Variants in KDM5B observed in about 807,000 individuals in gnomAD.
KDM5B encodes lysine-specific demethylase 5B.
KDM5B carries 144 observed loss-of-function variants against 193.4 expected under a neutral mutation model. The ratio of observed to expected loss-of-function variants is 0.74; its 90% CI spans 0.65 to 0.86. The LOEUF (loss-of-function observed/expected upper bound fraction) is 0.86. Among genes scored for constraint, KDM5B ranks in the 40% least tolerant of loss-of-function variants. The probability of loss-of-function intolerance (pLI) is 0.00; values close to 1 mark genes in which losing one functional copy is unlikely to be tolerated. For synonymous variants in KDM5B, 668 were observed against 682.6 expected, an observed-to-expected ratio of 0.98 and a Z score of 0.33; for missense variants, 1,833 against 1,886.9, an observed-to-expected ratio of 0.97 and a Z score of 0.53.
intron 1 of KDM5B, among the ~76,000 whole-genome samples, chr1:202,797,432 C>T (rs1458405574): frequency 1.3e-5 from 2 of 152,180 alleles, no homozygotes; most frequent in Non-Finnish European, 1.5e-5. Flanking sequence ...CTGGTCTAGT[C>T]TCCCTGCTCC....
At chr1:202,773,381 G>T in intron 3 of KDM5B, 93 bp from the exon 4 acceptor site, 1 of 1,049,240 alleles carries the variant, frequency 9.5e-7, no homozygotes, top group South Asian at 1.5e-5. Flanking sequence ...CTTGGCTATG[G>T]TTATCTTTTA....
At chr1:202,781,766 T>C (rs1235241641) in intron 1 of KDM5B, among the ~76,000 whole-genome samples, 2 of 152,208 alleles carry the variant, frequency 1.3e-5, no homozygotes, top group Non-Finnish European at 2.9e-5. Flanking sequence ...CAAAAGCATA[T>C]GAAAAATAAT....
At chr1:202,732,012 AGC>A in intron 23 of KDM5B, 73 bp from the exon 24 acceptor site, 1 of 810,258 alleles carries the variant, frequency 1.2e-6, no homozygotes, top group Non-Finnish European at 1.9e-6. Context: ...CAATGACAGT[AGC>A]TTGCATTACC....
intron 3 of KDM5B, 107 bp downstream of exon 3, chr1:202,774,506 G>T (rs12410981): frequency 0.22 from 218,618 of 995,092 alleles, 25,406 homozygotes; most frequent in Middle Eastern, 0.32. Flanking sequence ...GAGATTACAG[G>T]TGCGAGCCAC....
In KDM5B at chr1:202,727,339, C is replaced by T. The variant is rs904445062; in HGVS notation, c.*1697G>A. 1 of 152,258 alleles carries T rather than the reference C, an allele frequency of 6.6e-6. No homozygotes were observed. Among genetic ancestry groups the T allele is most frequent in the Non-Finnish European group, 1.5e-5 (1 of 68,024 alleles). The allele number at this position is 152,258 out of a possible 1,614,324, so 9.4% of individuals were successfully genotyped here. A position where few individuals can be genotyped will look rare whatever the true frequency, so the allele number is the denominator to read the frequency against. On this transcript the variant is annotated 3_prime_UTR_variant, in exon 27 of 27. Transcript: ENST00000367265. Reference sequence around the variant, plus strand: ...TGGAGACTATTCTTCTCTATTGGCCCCAGAACCACCATCAGACGAAGAGAA... The same window carrying T: ...TGGAGACTATTCTTCTCTATTGGCCTCAGAACCACCATCAGACGAAGAGAA...
At position 202,773,279 on chromosome 1, in the gene KDM5B, C is replaced by T. The variant is rs1354864063; in HGVS notation, c.415G>A (p.Glu139Lys). 1 of 1,613,946 alleles carries T rather than the reference C, an allele frequency of 6.2e-7. No individual in the cohort carries two copies. The highest frequency in any genetic ancestry group is 8.5e-7 in the Non-Finnish European group (1 of 1,179,950). The part of the protein sequence containing the change: ...DLFQLNKLVA[E>K]EGGFAVVCKD... ...CAAACAACTGCAAATCCACCTTCTT[C>T]TGCAACTAACTGTTAAAATAGCAAA... Residue 139 changes from glutamate (E) to lysine (K), a missense_variant, in exon 4 of 27, where the codon GAA becomes AAA. Coordinates refer to ENST00000367265, the MANE Select transcript of KDM5B (RefSeq NM_006618.5).
intron 23 of KDM5B, 23 bp from the exon 24 acceptor site, chr1:202,731,962 T>C (rs770611119): frequency 6.7e-7 from 1 of 1,482,218 alleles, no homozygotes; most frequent in South Asian, 1.1e-5. Context: ...AAACGTTTTA[T>C]AATAAAATCT....
At chr1:202,796,199 C>T in intron 1 of KDM5B, 1 of 252,390 alleles carries the variant, frequency 4.0e-6, no homozygotes, top group South Asian at 4.3e-5. Flanking sequence ...CTCCAGACTT[C>T]AGAGCCTCTC....
chr1:202,736,237 C>A lies in KDM5B; in HGVS notation c.3240G>T (p.Glu1080Asp), dbSNP rs756610963. 1.3e-6 allele frequency: 2 copies of A among 1,591,760 alleles called. No individual in the cohort carries two copies. The highest frequency in any genetic ancestry group is 3.6e-5 in the Admixed American group (2 of 56,204). Reference protein sequence around the residue: ...KECAVNTFLTENSPYSLLEVL... With the variant: ...KECAVNTFLTDNSPYSLLEVL... ...CCTCTAAGAGAGAATATGGAGAATT[C>A]TCAGTCAAGAATGTATTAACAGCAC... Residue 1080 changes from glutamate (E) to aspartate (D), a missense_variant, in exon 21 of 27, where the codon GAG (glutamate) becomes GAT (aspartate). Glu to Asp is a conservative substitution (Grantham distance 45). Coordinates refer to ENST00000367265, the MANE Select transcript of KDM5B (RefSeq NM_006618.5).
rs576196486 is a variant in KDM5B at position 202,796,589 on chromosome 1, T to C, written c.204+11513A>G. On this transcript the variant is annotated intron_variant, in intron 1 of 26. Transcript: ENST00000367265. ...TGCAGACAAAGCTGCAGGTTTAGCATATGTTATACTATGTGCTGGTACCTG... is the reference window on the plus strand; with the variant it reads ...TGCAGACAAAGCTGCAGGTTTAGCACATGTTATACTATGTGCTGGTACCTG... The C allele has an allele frequency of 3.0e-4, 50 of 168,252 alleles. No individual in the cohort carries two copies. In the Middle Eastern group the frequency reaches 0.01, roughly 35 times the overall value. 10.4% of individuals were successfully genotyped at this position (168,252 alleles called of 1,614,324 possible).
intron 22 of KDM5B, 107 bp downstream of exon 22, chr1:202,735,322 G>T: frequency 1.7e-6 from 2 of 1,181,242 alleles, no homozygotes; most frequent in Non-Finnish European, 1.2e-6. Flanking sequence ...AAAACTGAAC[G>T]CTTTCAAGTT....
chr1:202,753,179 C>T (rs1655864752), intron 11 of KDM5B, 112 bp from the exon 12 acceptor site: 2 of 854,316 alleles, frequency 2.3e-6, no homozygotes, highest in Admixed American at 2.5e-5. Context: ...AAAAGGAATC[C>T]ACAAACTGAC....
chr1:202,746,348 G>A (rs975656009), intron 14 of KDM5B, 25 bp from the exon 15 acceptor site: 1 of 1,490,904 alleles, frequency 6.7e-7, no homozygotes, highest in Non-Finnish European at 9.1e-7. Flanking sequence ...ACTTTAGAGA[G>A]ACCTCCAAAG....
chr1:202,729,697 C>T lies in KDM5B; in HGVS notation c.4497+10G>A, dbSNP rs1654802015. On this transcript the variant is annotated intron_variant, in intron 26 of 26. Coordinates refer to ENST00000367265, the MANE Select transcript of KDM5B (RefSeq NM_006618.5). ...GAAAGCACGTCCTCTATGGCCCAAA[C>T]CTCACTGACCTCATCTCCTTCTGGC... 4 of 1,608,476 alleles carry T rather than the reference C, an allele frequency of 2.5e-6. No individual in the cohort carries two copies. The highest frequency in any genetic ancestry group is 3.4e-6 in the Non-Finnish European group (4 of 1,176,844).
At chr1:202,755,554 G>A (rs1655976017) in intron 10 of KDM5B, 102 bp from the exon 11 acceptor site, 1 of 964,528 alleles carries the variant, frequency 1.0e-6, no homozygotes, top group Admixed American at 2.5e-5. Context: ...AAAAAGAAAT[G>A]TGGAAGAGGA....
intron 20 of KDM5B, among the ~76,000 whole-genome samples, chr1:202,740,113 C>CA (rs1432556141): frequency 1.3e-5 from 2 of 149,260 alleles, no homozygotes; most frequent in East Asian, 2.0e-4. Context: ...GCTGACCCCC[C>CA]CCACCTCCCT....
Position 202,735,989 on chromosome 1 carries a change from A to C in KDM5B, c.3264+224T>G, listed in dbSNP as rs138926401. 5.1e-3 allele frequency among the ~76,000 whole-genome samples: 772 copies of C among 152,352 alleles called. 10 individuals carry two copies. Among genetic ancestry groups the C allele is most frequent in the African/African-American group, 0.018 (738 of 41,580 alleles). ...ATTTCAACACAGAGGAATTTCACCC[A>C]ATAGGAAAAAATTTTCTTCTTTAGA... On this transcript the variant is annotated intron_variant, in intron 21 of 26. Transcript: ENST00000367265.
Position 202,773,127 on chromosome 1 carries a change from G to A in KDM5B, c.567C>T (p.Asp189=). The A allele has an allele frequency of 6.2e-7, 1 of 1,611,250 alleles. No individual in the cohort carries two copies. ...TAGCCCCCAAACTTACCCTTAGGCT[G>A]TCTCCGGACAGGAATAAGTTGTAGG... ...LNPYNLFLSG[D]SLRCLQKPNL... The change falls in exon 4 of 27, where the codon GAC becomes GAT. Residue 189 remains aspartate (D), a synonymous_variant. Coordinates refer to ENST00000367265, the MANE Select transcript of KDM5B (RefSeq NM_006618.5).
chr1:202,790,361 G>C (rs1414859629), intron 1 of KDM5B, among the ~76,000 whole-genome samples: 4 of 152,150 alleles, frequency 2.6e-5, no homozygotes, highest in Admixed American at 1.3e-4. Flanking sequence ...TGGATTGCTT[G>C]AGCCTGGAAG....
Sources: allele counts gnomAD v4.1 joint callset (sites outside exome capture counted in the v4.1 genomes callset), GRCh38; gene constraint gnomAD v4.1.1; transcripts MANE v1.5; gene names NCBI Gene and HGNC (gene_info 2026-07-23, HGNC 2026-07-21).